Variants in LAMA4 observed in about 807,000 individuals in gnomAD.
LAMA4 encodes the protein laminin subunit alpha 4.
In LAMA4, 127 loss-of-function variants were observed where a neutral mutation model predicts 207.1. The observed-to-expected ratio is 0.61, with a 90% confidence interval of 0.53 to 0.71. The LOEUF is 0.71. LAMA4 is among the 30% of genes least tolerant of loss of function. The probability of loss-of-function intolerance (pLI) is 0.00; values close to 1 mark genes in which losing one functional copy is unlikely to be tolerated. For synonymous variants in LAMA4, 761 were observed against 816.0 expected, an observed-to-expected ratio of 0.93 and a Z score of 1.15; for missense variants, 2,093 against 2,246.5, an observed-to-expected ratio of 0.93 and a Z score of 1.38.
intron 2 of LAMA4, among the ~76,000 whole-genome samples, chr6:112,239,392 C>T (rs1786206842): frequency 6.6e-6 from 1 of 150,684 alleles, no homozygotes; most frequent in African/African-American, 2.4e-5. Context: ...GACCTTAAGC[C>T]ACTCAGTCTG....
At chr6:112,126,194 A>T (rs1778676436) in intron 31 of LAMA4, among the ~76,000 whole-genome samples, 1 of 152,202 alleles carries the variant, frequency 6.6e-6, no homozygotes, top group Admixed American at 6.5e-5. Context: ...TAGACAACTT[A>T]ATTTAGAAAA....
chr6:112,150,473 A>T, intron 17 of LAMA4, 38 bp downstream of exon 17: 1 of 1,241,782 alleles, frequency 8.1e-7, no homozygotes, highest in Non-Finnish European at 1.2e-6. Context: ...CACTCCAGTG[A>T]ATCAACAGAT....
At chr6:112,131,773 T>G (rs1779048363) in intron 28 of LAMA4, among the ~76,000 whole-genome samples, 1 of 152,122 alleles carries the variant, frequency 6.6e-6, no homozygotes, top group African/African-American at 2.4e-5. Context: ...ATTCTACTGA[T>G]TCCAATTAAA....
intron 3 of LAMA4, 62 bp from the exon 4 acceptor site, chr6:112,207,207 C>G: frequency 6.3e-7 from 1 of 1,581,190 alleles, no homozygotes; most frequent in Middle Eastern, 2.0e-4. Flanking sequence ...GACAGCACAT[C>G]TAAGCATCAT....
intron 3 of LAMA4, 150 bp from the exon 4 acceptor site, chr6:112,207,295 G>C (rs1402039736): frequency 2.3e-6 from 2 of 852,800 alleles, no homozygotes; most frequent in Non-Finnish European, 1.9e-6. Context: ...AGCATGAGGA[G>C]TCACACTGGC....
At chr6:112,208,506 G>C (rs1210770026) in intron 3 of LAMA4, among the ~76,000 whole-genome samples, 10 of 152,122 alleles carry the variant, frequency 6.6e-5, no homozygotes, top group African/African-American at 2.4e-4. Flanking sequence ...GAAAGATTAA[G>C]CAAATTGCCC....
At position 112,116,013 on chromosome 6, in the gene LAMA4, A is replaced by T; in HGVS notation, c.4982-20T>A. ...ATTCATCTGTGGAGAGAAACACTAT[A>T]AACTCCCAAGAACAGCAAGATCATA... On this transcript the variant is annotated intron_variant, in intron 35 of 38. Transcript: ENST00000230538. 6.2e-7 allele frequency: 1 copy of T among 1,607,484 alleles called. No individual in the cohort carries two copies. Among genetic ancestry groups the T allele is most frequent in the South Asian group, 1.1e-5 (1 of 90,908 alleles).
At chr6:112,181,009 C>T (rs187916454) in intron 9 of LAMA4, among the ~76,000 whole-genome samples, 18 of 152,258 alleles carry the variant, frequency 1.2e-4, no homozygotes, top group Non-Finnish European at 1.9e-4. Context: ...CATTCGTGTT[C>T]GTAGTCTTAG....
rs112265545 is a variant in LAMA4, at chr6:112,114,209, C to T, written c.5207-14G>A. ...AATCTCTAATAACTGAAATGCAGGG[C>T]AAAGACTGGTCATAAGTGGCACTGG... On this transcript the variant is annotated splice_polypyrimidine_tract_variant and intron_variant, in intron 37 of 38. Coordinates refer to ENST00000230538, the MANE Select transcript of LAMA4 (RefSeq NM_001105206.3). 8.1e-6 allele frequency: 13 copies of T among 1,613,190 alleles called. No homozygotes were observed. In the South Asian group the frequency reaches 1.3e-4, roughly 16 times the overall value.
At chr6:112,110,880 C>T (rs1554321334) in intron 38 of LAMA4, among the ~76,000 whole-genome samples, 1 of 152,076 alleles carries the variant, frequency 6.6e-6, no homozygotes, top group African/African-American at 2.4e-5. Context: ...GTACAGTGCC[C>T]TAGGATCCTA....
intron 6 of LAMA4, among the ~76,000 whole-genome samples, chr6:112,190,898 TC>T (rs1263561705): frequency 2.5e-5 from 2 of 80,164 alleles, no homozygotes; most frequent in African/African-American, 9.6e-5. Context: ...TTTCTTTCTT[TC>T]TTTCTTTCTT....
At position 112,146,011 on chromosome 6, in the gene LAMA4, T is replaced by G. The variant is rs531381877; in HGVS notation, c.2354-1078A>C. Among the ~76,000 whole-genome samples, 3 of 152,094 alleles carry G rather than the reference T, an allele frequency of 2.0e-5. No homozygotes were observed. In the East Asian group the frequency reaches 5.8e-4, roughly 29 times the overall value. ...AACATAGAAAAGAGCGCAAGTCAGATGGGCTTGATGGCTCACACCTGTAAT... is the reference window on the plus strand; with the variant it reads ...AACATAGAAAAGAGCGCAAGTCAGAGGGGCTTGATGGCTCACACCTGTAAT... On this transcript the variant is annotated intron_variant, in intron 18 of 38. Transcript: ENST00000230538.
intron 26 of LAMA4, 128 bp downstream of exon 26, chr6:112,134,339 G>A: frequency 1.2e-6 from 1 of 859,628 alleles, no homozygotes; most frequent in Non-Finnish European, 1.9e-6. Flanking sequence ...ATGAATGTGT[G>A]TACCTGTGCC....
At chr6:112,240,625 C>T (rs1298555455) in intron 2 of LAMA4, among the ~76,000 whole-genome samples, 1 of 152,128 alleles carries the variant, frequency 6.6e-6, no homozygotes, top group Non-Finnish European at 1.5e-5. Flanking sequence ...ATTTTTAGAT[C>T]CCACAAATAA....
At chr6:112,147,670 C>T (rs960548036) in intron 18 of LAMA4, among the ~76,000 whole-genome samples, 3 of 152,148 alleles carry the variant, frequency 2.0e-5, no homozygotes, top group Non-Finnish European at 2.9e-5. Context: ...GGCCAACACG[C>T]TGTTCTTAAT....
intron 12 of LAMA4, among the ~76,000 whole-genome samples, chr6:112,165,834 T>G (rs1781353096): frequency 1.3e-5 from 2 of 152,222 alleles, no homozygotes; most frequent in Non-Finnish European, 2.9e-5. Context: ...AATGCTCAGA[T>G]GTTTTGAGAA....
chr6:112,193,235 G>A (rs1250706365), intron 5 of LAMA4, among the ~76,000 whole-genome samples: 2 of 152,142 alleles, frequency 1.3e-5, no homozygotes, highest in Non-Finnish European at 2.9e-5. Context: ...GGAAGTGGTA[G>A]TGAAGGAAGC....
intron 5 of LAMA4, among the ~76,000 whole-genome samples, chr6:112,199,026 C>A (rs1167710727): frequency 6.6e-6 from 1 of 152,204 alleles, no homozygotes; most frequent in Admixed American, 6.5e-5. Flanking sequence ...CAAATCTCTT[C>A]TTTTCAACAC....
At chr6:112,152,121 A>G (rs926637732) in intron 16 of LAMA4, among the ~76,000 whole-genome samples, 1 of 152,100 alleles carries the variant, frequency 6.6e-6, no homozygotes, top group Non-Finnish European at 1.5e-5. Flanking sequence ...CTTTTTAATA[A>G]TATCCTTATG....
Sources: gnomAD v4.1 joint callset for allele counts (sites outside exome capture counted in the v4.1 genomes callset) on GRCh38, gnomAD v4.1.1 for gene constraint, MANE v1.5 for transcripts, NCBI Gene and HGNC (gene_info 2026-07-23, HGNC 2026-07-21) for gene names.